Variants in FZR1 observed in about 807,000 individuals in gnomAD.
The protein encoded by FZR1 is fizzy and cell division cycle 20 related 1, also known as fizzy-related protein homolog.
A neutral mutation model predicts 63.6 loss-of-function variants in FZR1; 11 were observed. The ratio of observed to expected loss-of-function variants is 0.17; its 90% confidence interval spans 0.11 to 0.29. FZR1 has a LOEUF of 0.29. Ranked by LOEUF, FZR1 falls within the 10% of genes least tolerant of loss-of-function variation. The pLI is 1.00. For synonymous variants in FZR1, 328 were observed against 297.9 expected, an observed-to-expected ratio of 1.10 and a Z score of -1.04; for missense variants, 440 against 687.5, an observed-to-expected ratio of 0.64 and a Z score of 4.03.
rs753465208 is a variant in FZR1, at chr19:3,514,909, G to A, written c.-34-8047G>A. Among the ~76,000 whole-genome samples the A allele has an allele frequency of 1.3e-5, 2 of 152,220 alleles. No individual in the cohort carries two copies. Among genetic ancestry groups the A allele is most frequent in the South Asian group, 4.1e-4 (2 of 4,830 alleles). ...AGGCTTGCCCGGGGCAGTGGCAGAA[G>A]GAGGCCTCCTGGCTCTTCATTCTGG... On this transcript the variant is annotated intron_variant, in intron 1 of 13. Transcript: ENST00000441788. The surrounding 1 kb of genome is among the most constrained non-coding windows in gnomAD (Gnocchi z 4.2).
Position 3,522,005 on chromosome 19 carries a change from C to T in FZR1, c.-34-951C>T, listed in dbSNP as rs905613721. 4.4e-4 allele frequency among the ~76,000 whole-genome samples: 67 copies of T among 152,146 alleles called. 1 individual carries two copies. Among genetic ancestry groups the T allele is most frequent in the Non-Finnish European group, 2.4e-4 (16 of 68,026 alleles). On this transcript the variant is annotated intron_variant, in intron 1 of 13. Coordinates refer to ENST00000441788, the MANE Select transcript of FZR1 (RefSeq NM_016263.4). ...CCAAGTAGCTGGGACCACAGGTGCG[C>T]GCCACCACACTTGAGCCCAGGAGGT...
chr19:3,527,620 C>T lies in FZR1; in HGVS notation c.471-11C>T, dbSNP rs758374308. The T allele has an allele frequency of 1.5e-5, 24 of 1,596,606 alleles. No individual in the cohort carries two copies. Among genetic ancestry groups the T allele is most frequent in the African/African-American group, 2.7e-5 (2 of 74,828 alleles). ...CCGTGGCTCACGGATGCCACGTGGCCGCCTCTGCAGCCAGAAGCTGCTCCG... is the reference window on the plus strand; with the variant it reads ...CCGTGGCTCACGGATGCCACGTGGCTGCCTCTGCAGCCAGAAGCTGCTCCG... On this transcript the variant is annotated splice_polypyrimidine_tract_variant and intron_variant, in intron 6 of 13. Transcript: ENST00000441788.
Position 3,526,279 on chromosome 19 carries a change from C to T in FZR1, c.280C>T (p.Leu94=), listed in dbSNP as rs2083156752. ...NGKDGLAYSA[L]LKNELLGAGI... is the part of the protein sequence containing the mutation. ...CGCAGACGGCCTGGCCTACTCTGCC[C>T]TGCTCAAGAATGAGCTGCTGGGTGC... Residue 94 remains leucine (L), a synonymous_variant, in exon 5 of 14, where the codon CTG becomes TTG. Transcript: ENST00000441788. This position sits in a 1 kb window ranked among gnomAD's most constrained non-coding sequence, Gnocchi z 5.4. 6.2e-7 allele frequency: 1 copy of T among 1,610,684 alleles called. No individual in the cohort carries two copies. The highest frequency in any genetic ancestry group is 8.5e-7 in the Non-Finnish European group (1 of 1,179,166).
chr19:3,525,591 T>C lies in FZR1; in HGVS notation c.70-277T>C, dbSNP rs956881888. Among the ~76,000 whole-genome samples the C allele has an allele frequency of 9.2e-5, 14 of 152,108 alleles. No homozygotes were observed. The highest frequency in any genetic ancestry group is 3.3e-4 in the Admixed American group (5 of 15,282). On this transcript the variant is annotated intron_variant, in intron 2 of 13. Coordinates refer to ENST00000441788, the MANE Select transcript of FZR1 (RefSeq NM_016263.4). The surrounding 1 kb of genome is among the most constrained non-coding windows in gnomAD (Gnocchi z 4.2). ...CCGAGTAGCTGGGACTACAGGCGCC[T>C]GCCACCACGCCCGGCTGATTTTTTG...
rs1047615795 is a variant in FZR1 at position 3,514,976 on chromosome 19, CA to C, written c.-34-7979del. 3.9e-5 allele frequency among the ~76,000 whole-genome samples: 6 copies of C among 152,156 alleles called. No homozygotes were observed. Among genetic ancestry groups the C allele is most frequent in the African/African-American group, 1.4e-4 (6 of 41,430 alleles). The stretch of plus-strand genomic sequence containing the variant: ...GGTGGACCTTCCCTATGAGCTGGCC[CA>C]GGGGGTTTGCAGGACCCACAGGGCA... On this transcript the variant is annotated intron_variant, in intron 1 of 13. Transcript: ENST00000441788. This position sits in a 1 kb window ranked among gnomAD's most constrained non-coding sequence, Gnocchi z 4.2.
At chr19:3,518,525 C>T (rs1046148562) in intron 1 of FZR1, among the ~76,000 whole-genome samples, 1 of 152,094 alleles carries the variant, frequency 6.6e-6, no homozygotes, top group Non-Finnish European at 1.5e-5. Context: ...AGGGGCAGTG[C>T]TGGCATGGAA....
chr19:3,522,963 T>C lies in FZR1; in HGVS notation c.-27T>C, dbSNP rs2083116843. The C allele has an allele frequency of 6.3e-7, 1 of 1,575,322 alleles. No individual in the cohort carries two copies. The highest frequency in any genetic ancestry group is 8.7e-7 in the Non-Finnish European group (1 of 1,145,796). On this transcript the variant is annotated 5_prime_UTR_variant, in exon 2 of 14. Transcript: ENST00000441788. ...CTGCCCTTCCCGCTGCAGGCTAACCTTGCCGCGGGCCGAGCCCTGCCTCGC... is the reference window on the plus strand; with the variant it reads ...CTGCCCTTCCCGCTGCAGGCTAACCCTGCCGCGGGCCGAGCCCTGCCTCGC...
Position 3,526,569 on chromosome 19 carries a change from C to T in FZR1, c.387+183C>T, listed in dbSNP as rs530597525. On this transcript the variant is annotated intron_variant, in intron 5 of 13. Transcript: ENST00000441788. The surrounding 1 kb of genome is among the most constrained non-coding windows in gnomAD (Gnocchi z 5.4). ...GGCCCTGGGATCTGAGGCTGGAGGT[C>T]TAGCAGGTAAACTGGGATGTGGGGG... 2.0e-5 allele frequency among the ~76,000 whole-genome samples: 3 copies of T among 152,330 alleles called. No individual in the cohort carries two copies. In the East Asian group the frequency reaches 5.8e-4, roughly 29 times the overall value.
Position 3,532,111 on chromosome 19 carries a change from G to A in FZR1, c.1008+16G>A, listed in dbSNP as rs774739801. The A allele has an allele frequency of 7.4e-6, 11 of 1,487,994 alleles. No individual in the cohort carries two copies. The South Asian group carries it at 1.3e-4, about 17-fold the overall frequency. The allele number at this position is 1,487,994 out of a possible 1,614,324, so 92.2% of individuals were successfully genotyped here. ...CGACAACAAGGTACCCCCGCCCAGA[G>A]CCTGGGCTTCCCCTTCACCAGAAGC... On this transcript the variant is annotated intron_variant, in intron 10 of 13. Transcript: ENST00000441788.
At chr19:3,534,657 G>A (rs740685) in intron 13 of FZR1, 138 bp from the exon 14 acceptor site, 152,385 of 910,116 alleles carry the variant, frequency 0.17, 13,709 homozygotes, top group African/African-American at 0.23. Flanking sequence ...GTCATGTGTC[G>A]GGGCAGTGTG....
chr19:3,526,245 CT>C lies in FZR1; in HGVS notation c.260-12del. 1 of 1,611,966 alleles carries C rather than the reference CT, an allele frequency of 6.2e-7. No homozygotes were observed. The highest frequency in any genetic ancestry group is 8.5e-7 in the Non-Finnish European group (1 of 1,179,810). On this transcript the variant is annotated splice_polypyrimidine_tract_variant and intron_variant, in intron 4 of 13. Coordinates refer to ENST00000441788, the MANE Select transcript of FZR1 (RefSeq NM_016263.4). This position sits in a 1 kb window ranked among gnomAD's most constrained non-coding sequence, Gnocchi z 5.4. ...CCCTGCCTTGCCCCGCCTCACTGTGCTTGGTGCCCGCAGACGGCCTGGCCTA... is the reference window on the plus strand; with the variant it reads ...CCCTGCCTTGCCCCGCCTCACTGTGCTGGTGCCCGCAGACGGCCTGGCCTA...
intron 1 of FZR1, among the ~76,000 whole-genome samples, chr19:3,507,107 TGTCCCC>T (rs1432254995): frequency 6.6e-6 from 1 of 152,090 alleles, no homozygotes; most frequent in Non-Finnish European, 1.5e-5. Flanking sequence ...AGTGCATGGA[TGTCCCC>T]GTCTCACCTC....
At chr19:3,527,156 C>A in intron 6 of FZR1, 94 bp downstream of exon 6, 3 of 1,027,010 alleles carry the variant, frequency 2.9e-6, no homozygotes, top group Non-Finnish European at 4.6e-6. Flanking sequence ...CCTGTCCCTG[C>A]GGGTCCTGGT....
Position 3,525,769 on chromosome 19 carries a change from C to A in FZR1, c.70-99C>A, listed in dbSNP as rs748995704. 1 of 1,420,894 alleles carries A rather than the reference C, an allele frequency of 7.0e-7. No homozygotes were observed. Among genetic ancestry groups the A allele is most frequent in the Non-Finnish European group, 9.6e-7 (1 of 1,046,322 alleles). 88.0% of individuals were successfully genotyped at this position (1,420,894 alleles called of 1,614,324 possible). ...CCCCTTGGGTTTTCAAGATCAAAGC[C>A]CCCTTTGCTCAGTGGCCAGAGGCTG... On this transcript the variant is annotated intron_variant, in intron 2 of 13. Coordinates refer to ENST00000441788, the MANE Select transcript of FZR1 (RefSeq NM_016263.4). The surrounding 1 kb of genome is among the most constrained non-coding windows in gnomAD (Gnocchi z 4.2).
At chr19:3,527,597 G>T (rs752548575) in intron 6 of FZR1, 34 bp from the exon 7 acceptor site, 4 of 1,570,354 alleles carry the variant, frequency 2.5e-6, no homozygotes, top group African/African-American at 2.7e-5. Flanking sequence ...CCCAAGTGCC[G>T]TGGCTCACGG....
At position 3,536,367 on chromosome 19, in the gene FZR1, G is replaced by A. The variant is rs2029966859; in HGVS notation, c.*1531G>A. 6.6e-6 allele frequency: 1 copy of A among 152,252 alleles called. No individual in the cohort carries two copies. Among genetic ancestry groups the A allele is most frequent in the African/African-American group, 2.4e-5 (1 of 41,456 alleles). The allele number at this position is 152,252 out of a possible 1,614,324, so 9.4% of individuals were successfully genotyped here. A position where few individuals can be genotyped will look rare whatever the true frequency, so the allele number is the denominator to read the frequency against. On this transcript the variant is annotated 3_prime_UTR_variant, in exon 14 of 14. Transcript: ENST00000441788. Reference sequence around the variant, plus strand: ...AGACTCTCCCCACCTCTGTCTGGGTGGGGCGCGGACCCCTCACTGTGCGCC... The same window carrying A: ...AGACTCTCCCCACCTCTGTCTGGGTAGGGCGCGGACCCCTCACTGTGCGCC...
Position 3,529,420 on chromosome 19 carries a change from GTGGA to G in FZR1, c.655-1369_655-1366del, listed in dbSNP as rs2083206811. 2.7e-5 allele frequency among the ~76,000 whole-genome samples: 4 copies of G among 148,850 alleles called. No individual in the cohort carries two copies. The South Asian group carries it at 8.6e-4, about 32-fold the overall frequency. ...AGCGGATGGGAGAGCAGATGGGAGA[GTGGA>G]TGAGAGTGGTTGAGGGAGTGGCTGG... On this transcript the variant is annotated intron_variant, in intron 7 of 13. Coordinates refer to ENST00000441788, the MANE Select transcript of FZR1 (RefSeq NM_016263.4).
At chr19:3,528,088 T>A (rs2083180496) in intron 7 of FZR1, among the ~76,000 whole-genome samples, 1 of 151,180 alleles carries the variant, frequency 6.6e-6, no homozygotes. Context: ...CAGCCAGCAG[T>A]GGCATCTGCG....
chr19:3,534,558 G>T, intron 13 of FZR1, 45 bp downstream of exon 13: 1 of 1,321,478 alleles, frequency 7.6e-7, no homozygotes. Context: ...GCCCCAGCCT[G>T]TCCCAGGGTC....
Sources: gnomAD v4.1 joint callset for allele counts (sites outside exome capture counted in the v4.1 genomes callset) on GRCh38, gnomAD v4.1.1 for gene constraint, Gnocchi (gnomAD v3.1) non-coding constraint, MANE v1.5 for transcripts, NCBI Gene and HGNC (gene_info 2026-07-23, HGNC 2026-07-21) for gene names.